ZBTB7C: variants seen among roughly 807,000 people sequenced by gnomAD.
ZBTB7C encodes zinc finger and BTB domain containing 7C.
In ZBTB7C, 8 loss-of-function variants were observed where a neutral mutation model predicts 25.7. That is an observed-to-expected ratio of 0.31 (90% confidence interval 0.18 to 0.56). ZBTB7C has a LOEUF of 0.56. ZBTB7C is among the 20% of genes least tolerant of loss of function. The pLI is 0.91. For missense variants in ZBTB7C, 824 were observed against 855.2 expected (o/e 0.96, Z 0.46); for synonymous variants, 394 against 369.0 (o/e 1.07, Z -0.78).
chr18:48,082,229 C>T (rs1045107244), intron 3 of ZBTB7C, among the ~76,000 whole-genome samples: 20 of 152,212 alleles, frequency 1.3e-4, no homozygotes, highest in African/African-American at 3.9e-4. Flanking sequence ...GATTCCAACA[C>T]GCTGAGCCTT....
chr18:48,271,668 T>A (rs1598747275), intron 2 of ZBTB7C, among the ~76,000 whole-genome samples: 1 of 151,484 alleles, frequency 6.6e-6, no homozygotes, highest in African/African-American at 2.4e-5. Context: ...AAAATGTTCT[T>A]CAGAAAATGT....
rs140529441 is a variant in ZBTB7C at position 48,226,738 on chromosome 18, C to G, written c.-78-40743G>C. On this transcript the variant is annotated intron_variant, in intron 2 of 4. Transcript: ENST00000590800. ...ATCATACTGTTAGGAGTTAGGTATT[C>G]GACTGGGTGCAGTGGCTTATGCCTG... is the stretch of plus-strand genomic sequence containing the variant. 5.3e-5 allele frequency among the ~76,000 whole-genome samples: 8 copies of G among 152,110 alleles called. No individual in the cohort carries two copies. The East Asian group carries it at 1.6e-3, about 29-fold the overall frequency.
chr18:48,111,173 T>G (rs999656939), intron 3 of ZBTB7C, among the ~76,000 whole-genome samples: 1 of 152,100 alleles, frequency 6.6e-6, no homozygotes, highest in African/African-American at 2.4e-5. Context: ...GTGTGTCACC[T>G]CCACCTCCCC....
intron 2 of ZBTB7C, among the ~76,000 whole-genome samples, chr18:48,218,393 T>C (rs2042875394): frequency 6.6e-6 from 1 of 152,174 alleles, no homozygotes; most frequent in Non-Finnish European, 1.5e-5. Flanking sequence ...CCTCCTAGAA[T>C]GAAAACTTCT....
chr18:48,244,088 C>G (rs1225592962), intron 2 of ZBTB7C, among the ~76,000 whole-genome samples: 4 of 152,254 alleles, frequency 2.6e-5, no homozygotes, highest in Non-Finnish European at 4.4e-5. Context: ...GATAACATCA[C>G]AAAAACTCTT....
chr18:48,210,354 T>C (rs2042674453), intron 2 of ZBTB7C, among the ~76,000 whole-genome samples: 2 of 152,196 alleles, frequency 1.3e-5, no homozygotes, highest in South Asian at 4.1e-4. Flanking sequence ...TAAAAGCTTA[T>C]ACATGAACTT....
intron 3 of ZBTB7C, among the ~76,000 whole-genome samples, chr18:48,050,146 C>T (rs560396507): frequency 3.3e-5 from 5 of 152,286 alleles, no homozygotes; most frequent in African/African-American, 1.2e-4. Context: ...GGTCTGTAGG[C>T]ACTGAAATCC....
At chr18:48,269,949 G>C (rs1425483344) in intron 2 of ZBTB7C, among the ~76,000 whole-genome samples, 1 of 152,156 alleles carries the variant, frequency 6.6e-6, no homozygotes, top group Admixed American at 6.5e-5. Flanking sequence ...AGAAAAGCCA[G>C]CTAATGTTGT....
intron 2 of ZBTB7C, among the ~76,000 whole-genome samples, chr18:48,186,305 G>A (rs991557122): frequency 2.0e-5 from 3 of 152,224 alleles, no homozygotes; most frequent in Non-Finnish European, 4.4e-5. Flanking sequence ...TCCGGAGTGA[G>A]GCCTCCACTT....
At chr18:48,039,528 C>T (rs372002566) in intron 4 of ZBTB7C, among the ~76,000 whole-genome samples, 20 of 152,278 alleles carry the variant, frequency 1.3e-4, no homozygotes, top group African/African-American at 3.6e-4. Context: ...AACAAAGGGG[C>T]GGCACTCCAT....
chr18:48,390,970 T>C (rs1319394901), intron 1 of ZBTB7C, among the ~76,000 whole-genome samples: 1 of 152,176 alleles, frequency 6.6e-6, no homozygotes, highest in Non-Finnish European at 1.5e-5. Flanking sequence ...ACAACTGCCA[T>C]GGGTGAGAAA....
intron 2 of ZBTB7C, among the ~76,000 whole-genome samples, chr18:48,250,012 G>A (rs1401024716): frequency 6.6e-6 from 1 of 152,186 alleles, no homozygotes; most frequent in Non-Finnish European, 1.5e-5. Context: ...TCTGAAAGCT[G>A]TTAGGTGGAG....
chr18:48,170,844 C>G (rs1457900201), intron 3 of ZBTB7C, among the ~76,000 whole-genome samples: 3 of 152,294 alleles, frequency 2.0e-5, no homozygotes, highest in Admixed American at 1.3e-4. Context: ...CCCCCCGCCC[C>G]TGTACGACTG....
In ZBTB7C at chr18:48,029,817, G is replaced by C. The variant is rs982634544; in HGVS notation, c.1303C>G (p.Leu435Val). The change falls in exon 5 of 5, where the codon CTC (leucine) becomes GTC (valine). Residue 435 changes from leucine to valine, a missense_variant. Physicochemically the swap from Leu to Val is conservative, Grantham distance 32. This residue lies in a region of ZBTB7C where 342 missense variants were observed against 307.0 expected (regional missense o/e 1.11). Coordinates refer to ENST00000590800, the MANE Select transcript of ZBTB7C (RefSeq NM_001318841.2). Reference sequence around the variant, plus strand: ...GTGTGGATGCGCATGTGGTTCTTGAGGTCGTAGTTGTGCACGAACTTGGCG... The same window carrying C: ...GTGTGGATGCGCATGTGGTTCTTGACGTCGTAGTTGTGCACGAACTTGGCG... ...CNAKFVHNYD[L>V]KNHMRIHTGV... 9.9e-6 allele frequency: 16 copies of C among 1,609,254 alleles called. No homozygotes were observed. Among genetic ancestry groups the C allele is most frequent in the Non-Finnish European group, 1.4e-5 (16 of 1,180,014 alleles).
chr18:48,042,228 A>T (rs892592428), intron 3 of ZBTB7C, among the ~76,000 whole-genome samples: 28 of 152,226 alleles, frequency 1.8e-4, no homozygotes, highest in African/African-American at 6.8e-4. Context: ...ATCACTAGAG[A>T]CAGAAACTAA....
At chr18:48,121,501 G>A (rs899852715) in intron 3 of ZBTB7C, among the ~76,000 whole-genome samples, 3 of 151,742 alleles carry the variant, frequency 2.0e-5, no homozygotes, top group African/African-American at 7.3e-5. Context: ...ACACTTTACT[G>A]ACCCTGTATC....
chr18:48,188,578 T>G (rs1411958857), intron 2 of ZBTB7C, among the ~76,000 whole-genome samples: 1 of 152,188 alleles, frequency 6.6e-6, no homozygotes, highest in Non-Finnish European at 1.5e-5. Flanking sequence ...TCAGAGCCCA[T>G]GGCTCATAAG....
intron 3 of ZBTB7C, among the ~76,000 whole-genome samples, chr18:48,050,213 T>C (rs2036628773): frequency 6.6e-6 from 1 of 152,118 alleles, no homozygotes; most frequent in African/African-American, 2.4e-5. Flanking sequence ...CCCAAGCAGC[T>C]GGCCAGCCCT....
chr18:48,402,285 C>T (rs1322371371), intron 1 of ZBTB7C, among the ~76,000 whole-genome samples: 1 of 150,716 alleles, frequency 6.6e-6, no homozygotes, highest in African/African-American at 2.4e-5. Context: ...AAAAAGGTTA[C>T]TTAATGGGGA....
Sources: gnomAD v4.1 joint callset for allele counts (sites outside exome capture counted in the v4.1 genomes callset) on GRCh38, gnomAD v4.1.1 for gene constraint, gnomAD v4.1.1 regional missense constraint, MANE v1.5 for transcripts, NCBI Gene and HGNC (gene_info 2026-07-23, HGNC 2026-07-21) for gene names.